FHAD1: variants seen among roughly 807,000 people sequenced by gnomAD.
FHAD1 encodes forkhead associated phosphopeptide binding domain 1, also known as forkhead-associated domain-containing protein 1.
FHAD1 carries 146 observed loss-of-function variants against 191.3 expected under a neutral mutation model. That is an observed-to-expected ratio of 0.76 (90% confidence interval 0.67 to 0.88). FHAD1 has a LOEUF of 0.88. FHAD1 is among the 40% of genes least tolerant of loss of function. The pLI is 0.00. For missense variants in FHAD1, 1,635 were observed against 1,785.8 expected, an observed-to-expected ratio of 0.92 and a Z score of 1.52; for synonymous variants, 616 against 672.3, an observed-to-expected ratio of 0.92 and a Z score of 1.29.
At chr1:15,380,103 C>T (rs904938189) in intron 28 of FHAD1, among the ~76,000 whole-genome samples, 4 of 152,210 alleles carry the variant, frequency 2.6e-5, no homozygotes, top group Non-Finnish European at 4.4e-5. Context: ...ATTTAACCTG[C>T]ATTCATTCAT....
upstream of FHAD1, among the ~76,000 whole-genome samples, chr1:15,245,277 G>A (rs183805106): frequency 3.3e-5 from 5 of 152,326 alleles, no homozygotes; most frequent in Non-Finnish European, 5.9e-5. Flanking sequence ...GAGGGATAGA[G>A]TGTTGAGGTT....
chr1:15,301,520 CACCCAGA>C, intron 6 of FHAD1, 79 bp downstream of exon 6: 1 of 1,273,654 alleles, frequency 7.9e-7, no homozygotes, highest in Non-Finnish European at 1.1e-6. Context: ...CAAGGTGAGC[CACCCAGA>C]GTTAGGGAAC....
intron 6 of FHAD1, among the ~76,000 whole-genome samples, chr1:15,302,800 C>A (rs1372824132): frequency 2.0e-5 from 3 of 152,188 alleles, no homozygotes; most frequent in Non-Finnish European, 4.4e-5. Context: ...TGAATTTCAC[C>A]CTCAGTGCAT....
At chr1:15,345,291 C>A in intron 17 of FHAD1, 101 bp downstream of exon 17, 1 of 1,342,302 alleles carries the variant, frequency 7.4e-7, no homozygotes, top group Non-Finnish European at 1.0e-6. Context: ...AGCTCCAGGG[C>A]TGTGCTGTCC....
At chr1:15,246,131 T>C (rs950940715), upstream of FHAD1, among the ~76,000 whole-genome samples, 1 of 152,184 alleles carries the variant, frequency 6.6e-6, no homozygotes, top group Non-Finnish European at 1.5e-5. Flanking sequence ...TGTTGTAACA[T>C]GGTGTAGCAG....
intron 14 of FHAD1, among the ~76,000 whole-genome samples, chr1:15,337,292 T>C (rs1018236390): frequency 4.6e-5 from 7 of 152,134 alleles, no homozygotes. Context: ...GGGGGCTCCT[T>C]CTCTCTCCCT....
At position 15,382,271 on chromosome 1, in the gene FHAD1, G is replaced by C. The variant is rs9919340; in HGVS notation, c.4188+78G>C. On this transcript the variant is annotated intron_variant, in intron 31 of 33. Transcript: ENST00000688493. Reference sequence around the variant, plus strand: ...TTAGCAATGGCCGAGGGTGGTCCCTGGAGGATCCAGGTAGCACAGAACACA... The same window carrying C: ...TTAGCAATGGCCGAGGGTGGTCCCTCGAGGATCCAGGTAGCACAGAACACA... The C allele has an allele frequency of 0.016, 22,084 of 1,414,448 alleles. 2,403 individuals carry two copies. The African/African-American group carries it at 0.25, about 16-fold the overall frequency. 87.6% of individuals were successfully genotyped at this position (1,414,448 alleles called of 1,614,324 possible).
chr1:15,237,362 C>T (rs138133343), intron 1 of FHAD1, among the ~76,000 whole-genome samples: 14 of 152,328 alleles, frequency 9.2e-5, no homozygotes, highest in African/African-American at 2.6e-4. Flanking sequence ...TCCCCATCTT[C>T]CAGCTCTTGT....
chr1:15,297,777 T>C (rs1667418615), intron 5 of FHAD1, among the ~76,000 whole-genome samples: 1 of 152,248 alleles, frequency 6.6e-6, no homozygotes, highest in East Asian at 1.9e-4. Flanking sequence ...GGGACCTCGG[T>C]TGGGACACCT....
chr1:15,369,736 C>T (rs558065626), intron 26 of FHAD1, among the ~76,000 whole-genome samples: 8 of 152,324 alleles, frequency 5.3e-5, no homozygotes, highest in East Asian at 1.9e-4. Flanking sequence ...GAGGCCTCCA[C>T]GTTCTCACAT....
chr1:15,308,233 C>T (rs1671137967), intron 6 of FHAD1, among the ~76,000 whole-genome samples: 1 of 152,152 alleles, frequency 6.6e-6, no homozygotes, highest in South Asian at 2.1e-4. Flanking sequence ...AATTTTATAA[C>T]ATGCTTCCCT....
At chr1:15,287,719 C>A (rs1483760273) in intron 3 of FHAD1, among the ~76,000 whole-genome samples, 4 of 152,112 alleles carry the variant, frequency 2.6e-5, no homozygotes, top group Non-Finnish European at 5.9e-5. Context: ...CCAGATTTCC[C>A]AGAACACTCC....
At chr1:15,321,967 G>A (rs1676461094) in intron 10 of FHAD1, among the ~76,000 whole-genome samples, 1 of 152,196 alleles carries the variant, frequency 6.6e-6, no homozygotes, top group African/African-American at 2.4e-5. Context: ...TCATTCCATT[G>A]TGTTTTGGCT....
intron 3 of FHAD1, among the ~76,000 whole-genome samples, chr1:15,281,820 GCTCCAC>G (rs1660731777): frequency 6.7e-6 from 1 of 149,492 alleles, no homozygotes; most frequent in Admixed American, 6.7e-5. Flanking sequence ...TTAAGACTCA[GCTCCAC>G]CTCCTGGTTG....
At chr1:15,383,375 C>A in intron 31 of FHAD1, 1 of 404,796 alleles carries the variant, frequency 2.5e-6, no homozygotes, top group Non-Finnish European at 5.0e-6. Flanking sequence ...ACCCATGCTG[C>A]CCGTGACCCA....
chr1:15,293,643 G>A (rs992255437), intron 4 of FHAD1, among the ~76,000 whole-genome samples: 8 of 152,212 alleles, frequency 5.3e-5, no homozygotes, highest in South Asian at 2.1e-4. Context: ...GCTTGAACCC[G>A]GGAGGCAGAG....
rs1240334203 is a variant in FHAD1 at position 15,308,603 on chromosome 1, C to T, written c.916-10C>T. 6.4e-7 allele frequency: 1 copy of T among 1,551,706 alleles called. No homozygotes were observed. Among genetic ancestry groups the T allele is most frequent in the East Asian group, 2.4e-5 (1 of 40,924 alleles). On this transcript the variant is annotated splice_polypyrimidine_tract_variant and intron_variant, in intron 6 of 33. Coordinates refer to ENST00000688493, the MANE Select transcript of FHAD1 (RefSeq NM_001391957.1). Reference sequence around the variant, plus strand: ...CAGCCCCCCTCTGACTGTGCCACCTCCTCCCACAGATCAGTGCCCTACAGA... The same window carrying T: ...CAGCCCCCCTCTGACTGTGCCACCTTCTCCCACAGATCAGTGCCCTACAGA...
chr1:15,305,669 T>C (rs1486825606), intron 6 of FHAD1: 3 of 337,754 alleles, frequency 8.9e-6, no homozygotes, highest in Non-Finnish European at 1.8e-5. Flanking sequence ...CCTGTGCTGT[T>C]CTCGTTATAG....
intron 15 of FHAD1, among the ~76,000 whole-genome samples, chr1:15,340,837 C>T (rs1031745831): frequency 1.3e-5 from 2 of 152,078 alleles, no homozygotes. Context: ...TGAAAGTAGC[C>T]ATAGACAATA....
Sources: allele counts gnomAD v4.1 joint callset (sites outside exome capture counted in the v4.1 genomes callset), GRCh38; gene constraint gnomAD v4.1.1; transcripts MANE v1.5; gene names NCBI Gene and HGNC (gene_info 2026-07-23, HGNC 2026-07-21).